MFAP2: variants seen among roughly 807,000 people sequenced by gnomAD.
MFAP2 encodes microfibril associated protein 2, also known as microfibrillar-associated protein 2.
MFAP2 carries 23 observed loss-of-function variants against 30.6 expected under a neutral mutation model. The ratio of observed to expected loss-of-function variants is 0.75; its 90% CI spans 0.54 to 1.07. MFAP2 has a LOEUF of 1.07. Among genes scored for constraint, MFAP2 ranks in the 50% least tolerant of loss-of-function variants. MFAP2 has a pLI of 0.00. For synonymous variants in MFAP2, 73 were observed against 85.7 expected, an observed-to-expected ratio of 0.85 and a Z score of 0.82; for missense variants, 198 against 223.8, an observed-to-expected ratio of 0.88 and a Z score of 0.74.
In MFAP2 at chr1:16,976,891, C is replaced by T. The variant is rs750485259; in HGVS notation, c.154+6G>A. 6.8e-6 allele frequency: 11 copies of T among 1,614,020 alleles called. No homozygotes were observed. The highest frequency in any genetic ancestry group is 4.4e-5 in the South Asian group (4 of 91,084). ...GGCCCGTCCTATCCTACCCCTAGCC[C>T]GTTACCTTGATAATCATAGTAGTCT... On this transcript the variant is annotated splice_donor_region_variant and intron_variant, in intron 4 of 8. Coordinates refer to ENST00000375535, the MANE Select transcript of MFAP2 (RefSeq NM_002403.4). The surrounding 1 kb of genome is among the most constrained non-coding windows in gnomAD (Gnocchi z 5.5).
In MFAP2 at chr1:16,977,169, G is replaced by T. The variant is rs762950450; in HGVS notation, c.67C>A (p.Leu23Met). 6.2e-7 allele frequency: 1 copy of T among 1,613,556 alleles called. No individual in the cohort carries two copies. Among genetic ancestry groups the T allele is most frequent in the African/African-American group, 1.3e-5 (1 of 75,048 alleles). ...TCAGGGAACGGCGGCAGCGGGTCCA[G>T]GTCATACTGGCCCTGAGCCAGCAAG... ...AGLLAQGQYDLDPLPPFPDHV... is the reference protein window; with the variant it reads ...AGLLAQGQYDMDPLPPFPDHV... The change falls in exon 3 of 9, where the codon CTG becomes ATG. Residue 23 changes from leucine (L) to methionine (M), a missense_variant. Transcript: ENST00000375535.
In MFAP2 at chr1:16,978,244, G is replaced by T; in HGVS notation, c.30C>A (p.Phe10Leu). 1.9e-6 allele frequency: 3 copies of T among 1,575,568 alleles called. No individual in the cohort carries two copies. Among genetic ancestry groups the T allele is most frequent in the Non-Finnish European group, 8.6e-7 (1 of 1,160,072 alleles). Reference protein sequence around the residue: MRAAYLFLLFLPAGLLAQGQ... With the variant: MRAAYLFLLLLPAGLLAQGQ... ...GCCCCAGGAGCCACTTACCAGGCAG[G>T]AATAGCAGGAAGAGGTAGGCAGCTC... Residue 10 changes from phenylalanine to leucine, a missense_variant, in exon 2 of 9, where the codon TTC (phenylalanine) becomes TTA (leucine). By Grantham distance (22) the Phe-to-Leu change is conservative. Transcript: ENST00000375535.
At chr1:16,979,493 T>C (rs2076619689) in intron 1 of MFAP2, among the ~76,000 whole-genome samples, 1 of 152,202 alleles carries the variant, frequency 6.6e-6, no homozygotes, top group South Asian at 2.1e-4. Flanking sequence ...ACCCCCTGGC[T>C]CCTCTCATGC....
chr1:16,979,296 A>AG (rs2100588368), intron 1 of MFAP2, among the ~76,000 whole-genome samples: 1 of 152,232 alleles, frequency 6.6e-6, no homozygotes, highest in East Asian at 1.9e-4. Flanking sequence ...TTCTGTAGGG[A>AG]GGGCTGCGAG....
At chr1:16,981,062 C>T (rs1297028660), upstream of MFAP2, among the ~76,000 whole-genome samples, 1 of 152,134 alleles carries the variant, frequency 6.6e-6, no homozygotes, top group African/African-American at 2.4e-5. Context: ...AGCCTGCTGC[C>T]TCTCTCAGGC....
intron 2 of MFAP2, chr1:16,977,514 T>A: frequency 3.3e-6 from 1 of 299,844 alleles, no homozygotes; most frequent in Non-Finnish European, 6.3e-6. Flanking sequence ...CCTGCTCAGC[T>A]CCTTCAGGTC....
At position 16,975,792 on chromosome 1, in the gene MFAP2, C is replaced by T. The variant is rs1418438560; in HGVS notation, c.287-62G>A. The T allele has an allele frequency of 1.7e-5, 24 of 1,454,076 alleles. No individual in the cohort carries two copies. In the South Asian group the frequency reaches 2.0e-4, roughly 12 times the overall value. 90.1% of individuals were successfully genotyped at this position (1,454,076 alleles called of 1,614,324 possible). On this transcript the variant is annotated intron_variant, in intron 6 of 8. Coordinates refer to ENST00000375535, the MANE Select transcript of MFAP2 (RefSeq NM_002403.4). The surrounding 1 kb of genome is among the most constrained non-coding windows in gnomAD (Gnocchi z 5.0). Reference sequence around the variant, plus strand: ...GGGGGGCGGCCCCCAGCCTCACCCACCTGAGGCTGGCTCACAGGGCCTAGT... The same window carrying T: ...GGGGGGCGGCCCCCAGCCTCACCCATCTGAGGCTGGCTCACAGGGCCTAGT...
rs751847665 is a variant in MFAP2, at chr1:16,976,930, A to G, written c.128-7T>C. The G allele has an allele frequency of 1.9e-6, 3 of 1,614,038 alleles. No individual in the cohort carries two copies. The East Asian group carries it at 6.7e-5, about 36-fold the overall frequency. ...TCATAGTAGTCTGGGTTGTCTGCAA[A>G]CAAAGATGAAAGTGGAATTGGTGGG... is the stretch of plus-strand genomic sequence containing the variant. On this transcript the variant is annotated splice_polypyrimidine_tract_variant and splice_region_variant and intron_variant, in intron 3 of 8. Transcript: ENST00000375535. The surrounding 1 kb of genome is among the most constrained non-coding windows in gnomAD (Gnocchi z 5.5).
In MFAP2 at chr1:16,976,601, G is replaced by C; in HGVS notation, c.242-56C>G. On this transcript the variant is annotated intron_variant, in intron 5 of 8. Coordinates refer to ENST00000375535, the MANE Select transcript of MFAP2 (RefSeq NM_002403.4). This position sits in a 1 kb window ranked among gnomAD's most constrained non-coding sequence, Gnocchi z 5.5. ...ACTGGGAGGGGTCTCCTCAGGGCAA[G>C]GGGAGTCACCTCTCCCAGCCCTGGC... The C allele has an allele frequency of 1.9e-6, 3 of 1,613,122 alleles. No individual in the cohort carries two copies. Among genetic ancestry groups the C allele is most frequent in the Non-Finnish European group, 2.5e-6 (3 of 1,179,090 alleles).
chr1:16,975,076 C>T lies in MFAP2; in HGVS notation c.449-53G>A, dbSNP rs2076577552. On this transcript the variant is annotated intron_variant, in intron 8 of 8. Coordinates refer to ENST00000375535, the MANE Select transcript of MFAP2 (RefSeq NM_002403.4). The surrounding 1 kb of genome is among the most constrained non-coding windows in gnomAD (Gnocchi z 5.0). Reference sequence around the variant, plus strand: ...CAGGGTGGAGCTGGGTGATGGGAACCGCTGCCCCTCCCCCAACTCTGGTGA... The same window carrying T: ...CAGGGTGGAGCTGGGTGATGGGAACTGCTGCCCCTCCCCCAACTCTGGTGA... 32 of 1,263,094 alleles carry T rather than the reference C, an allele frequency of 2.5e-5. No individual in the cohort carries two copies. Among genetic ancestry groups the T allele is most frequent in the Admixed American group, 1.6e-4 (8 of 50,352 alleles). 78.2% of individuals were successfully genotyped at this position (1,263,094 alleles called of 1,614,324 possible). A position where few individuals can be genotyped will look rare whatever the true frequency, so the allele number is the denominator to read the frequency against.
Position 16,974,886 on chromosome 1 carries a change from C to T in MFAP2, c.*34G>A, listed in dbSNP as rs1447947622. 6 of 613,792 alleles carry T rather than the reference C, an allele frequency of 9.8e-6. No homozygotes were observed. The African/African-American group carries it at 1.2e-4, about 12-fold the overall frequency. 38.0% of individuals were successfully genotyped at this position (613,792 alleles called of 1,614,324 possible). A position where few individuals can be genotyped will look rare whatever the true frequency, so the allele number is the denominator to read the frequency against. On this transcript the variant is annotated 3_prime_UTR_variant, in exon 9 of 9. Coordinates refer to ENST00000375535, the MANE Select transcript of MFAP2 (RefSeq NM_002403.4). Reference sequence around the variant, plus strand: ...GGCAGGGCCCGAGGGCCCCAGATCCCAGGAGGGCCAGGACTCAGGATGCCA... The same window carrying T: ...GGCAGGGCCCGAGGGCCCCAGATCCTAGGAGGGCCAGGACTCAGGATGCCA...
chr1:16,977,905 A>T (rs934358851), intron 2 of MFAP2: 1 of 306,700 alleles, frequency 3.3e-6, no homozygotes, highest in Non-Finnish European at 6.2e-6. Context: ...AAGCATCCGG[A>T]CTCCCTGCCT....
rs2076593510 is a variant in MFAP2 at position 16,976,600 on chromosome 1, A to AG, written c.242-56dup. On this transcript the variant is annotated intron_variant, in intron 5 of 8. Transcript: ENST00000375535. This position sits in a 1 kb window ranked among gnomAD's most constrained non-coding sequence, Gnocchi z 5.5. ...CACTGGGAGGGGTCTCCTCAGGGCA[A>AG]GGGGAGTCACCTCTCCCAGCCCTGG... 14 of 1,612,510 alleles carry AG rather than the reference A, an allele frequency of 8.7e-6. No individual in the cohort carries two copies. The highest frequency in any genetic ancestry group is 2.7e-5 in the African/African-American group (2 of 74,876).
intron 3 of MFAP2, 79 bp downstream of exon 3, chr1:16,977,030 T>A: frequency 6.2e-7 from 1 of 1,612,246 alleles, no homozygotes; most frequent in Non-Finnish European, 8.5e-7. Flanking sequence ...AGAGTTCCCA[T>A]CAGCGTGTCC....
upstream of MFAP2, among the ~76,000 whole-genome samples, chr1:16,981,085 C>T (rs974050481): frequency 3.3e-4 from 50 of 152,338 alleles, no homozygotes; most frequent in African/African-American, 1.2e-3. Flanking sequence ...GCACCCTCCT[C>T]TCCTACACTG....
In MFAP2 at chr1:16,974,811, T is replaced by A; in HGVS notation, c.*109A>T. 2.0e-6 allele frequency: 1 copy of A among 512,176 alleles called. No individual in the cohort carries two copies. Among genetic ancestry groups the A allele is most frequent in the African/African-American group, 3.1e-5 (1 of 32,308 alleles). 31.7% of individuals were successfully genotyped at this position (512,176 alleles called of 1,614,324 possible). On this transcript the variant is annotated 3_prime_UTR_variant, in exon 9 of 9. Transcript: ENST00000375535. ...ACCCCCAGGGCTGCAGTCCACTAAC[T>A]TTTTACAGAATAAAAGGAACATGGG...
At position 16,976,828 on chromosome 1, in the gene MFAP2, C is replaced by T; in HGVS notation, c.155-34G>A. On this transcript the variant is annotated intron_variant, in intron 4 of 8. Coordinates refer to ENST00000375535, the MANE Select transcript of MFAP2 (RefSeq NM_002403.4). This position sits in a 1 kb window ranked among gnomAD's most constrained non-coding sequence, Gnocchi z 5.5. ...AGGGGAGGATAAGGGGGTCTGCTCC[C>T]TCTACCCCTCCCAGGGGGTCTCCCC... 6.2e-7 allele frequency: 1 copy of T among 1,614,074 alleles called. No individual in the cohort carries two copies. Among genetic ancestry groups the T allele is most frequent in the African/African-American group, 1.3e-5 (1 of 75,014 alleles).
rs2076590011 is a variant in MFAP2 at position 16,976,195 on chromosome 1, A to T, written c.286+306T>A. ...GGCCCTTCCTCGCCTCCACATGTGC[A>T]CCACTCAGTCTCTCTGGCTGGCAGG... is the stretch of plus-strand genomic sequence containing the variant. On this transcript the variant is annotated intron_variant, in intron 6 of 8. Transcript: ENST00000375535. This position sits in a 1 kb window ranked among gnomAD's most constrained non-coding sequence, Gnocchi z 5.5. 1.8e-6 allele frequency: 1 copy of T among 557,614 alleles called. No homozygotes were observed. The highest frequency in any genetic ancestry group is 3.1e-5 in the East Asian group (1 of 32,640). The allele number at this position is 557,614 out of a possible 1,614,324, so 34.5% of individuals were successfully genotyped here.
In MFAP2 at chr1:16,977,295, C is replaced by T. The variant is rs2076601686; in HGVS notation, c.38-97G>A. The T allele has an allele frequency of 4.3e-6, 5 of 1,174,802 alleles. No homozygotes were observed. The African/African-American group carries it at 6.1e-5, about 14-fold the overall frequency. 72.8% of individuals were successfully genotyped at this position (1,174,802 alleles called of 1,614,324 possible). ...TGGAGGCGGGGGTCACAAGGTCAGGCCCATAAGAGCCTAGGACCCCACAAG... is the reference window on the plus strand; with the variant it reads ...TGGAGGCGGGGGTCACAAGGTCAGGTCCATAAGAGCCTAGGACCCCACAAG... On this transcript the variant is annotated intron_variant, in intron 2 of 8. Transcript: ENST00000375535.
Sources: gnomAD v4.1 joint callset for allele counts (sites outside exome capture counted in the v4.1 genomes callset) on GRCh38, gnomAD v4.1.1 for gene constraint, Gnocchi (gnomAD v3.1) non-coding constraint, MANE v1.5 for transcripts, NCBI Gene and HGNC (gene_info 2026-07-23, HGNC 2026-07-21) for gene names.